Variants in PPP2R3A observed in about 807,000 individuals in gnomAD.
The protein encoded by PPP2R3A is protein phosphatase 2 regulatory subunit B''alpha.
In PPP2R3A, 80 loss-of-function variants were observed where a neutral mutation model predicts 106.9. The observed-to-expected ratio is 0.75, with a 90% confidence interval of 0.62 to 0.90. The LOEUF (loss-of-function observed/expected upper bound fraction) is 0.90, where lower values mean the gene tolerates loss of function less well. Among genes scored for constraint, PPP2R3A ranks in the 40% least tolerant of loss-of-function variants. The pLI, the probability that PPP2R3A is intolerant of heterozygous loss-of-function variation, is 0.00. For synonymous variants in PPP2R3A, 483 were observed against 468.3 expected, an observed-to-expected ratio of 1.03 and a Z score of -0.41; for missense variants, 1,386 against 1,350.4, an observed-to-expected ratio of 1.03 and a Z score of -0.41.
intron 12 of PPP2R3A, among the ~76,000 whole-genome samples, chr3:136,104,384 G>A (rs970554294): frequency 4.0e-5 from 6 of 151,746 alleles, no homozygotes; most frequent in Non-Finnish European, 5.9e-5. Context: ...TCGGCTCACC[G>A]CAACCTCCGC....
intron 4 of PPP2R3A, among the ~76,000 whole-genome samples, chr3:136,045,967 T>C (rs1198790823): frequency 2.0e-5 from 3 of 152,218 alleles, no homozygotes; most frequent in South Asian, 4.1e-4. Flanking sequence ...TAAGATTGCA[T>C]GAGCCTAGGA....
At chr3:136,087,245 G>GTCTCTCTCCC (rs1936965570) in intron 8 of PPP2R3A, among the ~76,000 whole-genome samples, 1 of 75,078 alleles carries the variant, frequency 1.3e-5, no homozygotes. Context: ...CTCTAGTCGT[G>GTCTCTCTCCC]TCTCTCTCTC....
chr3:136,139,366 A>G (rs1214475351), intron 13 of PPP2R3A, among the ~76,000 whole-genome samples: 1 of 151,992 alleles, frequency 6.6e-6, no homozygotes, highest in Non-Finnish European at 1.5e-5. Flanking sequence ...TACATGAACC[A>G]CCATATCCCC....
intron 3 of PPP2R3A, among the ~76,000 whole-genome samples, chr3:136,038,204 A>C (rs2107841192): frequency 6.6e-6 from 1 of 150,888 alleles, no homozygotes; most frequent in East Asian, 2.0e-4. Context: ...TCCCTTTGTC[A>C]TTTTTCCAAG....
chr3:136,085,494 G>A (rs1280159833), intron 8 of PPP2R3A, among the ~76,000 whole-genome samples: 2 of 152,070 alleles, frequency 1.3e-5, no homozygotes, highest in Non-Finnish European at 1.5e-5. Context: ...TGCCCAGGCT[G>A]GTCTCGAACT....
chr3:136,087,243 G>GTCTCTCTCTCTCTC (rs1491461536), intron 8 of PPP2R3A, among the ~76,000 whole-genome samples: 1 of 75,060 alleles, frequency 1.3e-5, no homozygotes, highest in Non-Finnish European at 2.9e-5. Context: ...GTCTCTAGTC[G>GTCTCTCTCTCTCTC]TGTCTCTCTC....
intron 5 of PPP2R3A, chr3:136,055,644 A>G (rs142642296): frequency 2.0e-4 from 265 of 1,293,236 alleles, no homozygotes; most frequent in Non-Finnish European, 1.8e-4. Context: ...TGGACAAAGT[A>G]CTTGATACAG....
chr3:136,140,005 C>CA (rs370749523), intron 13 of PPP2R3A, among the ~76,000 whole-genome samples: 24,654 of 83,896 alleles, frequency 0.29, 2,868 homozygotes, highest in Non-Finnish European at 0.36. Context: ...GACTCTGTCT[C>CA]AAAAAAAAAA....
At chr3:136,088,019 G>C (rs575363561) in intron 9 of PPP2R3A, 88 bp downstream of exon 9, 33 of 1,177,856 alleles carry the variant, frequency 2.8e-5, no homozygotes, top group Admixed American at 1.7e-4. Context: ...TGAATAATTT[G>C]GCAGTGCTAT....
intron 2 of PPP2R3A, among the ~76,000 whole-genome samples, chr3:136,011,887 T>C (rs1385589690): frequency 1.3e-5 from 2 of 152,122 alleles, no homozygotes; most frequent in South Asian, 2.1e-4. Flanking sequence ...ATAATGCTCA[T>C]TGTCACCAGC....
Position 136,049,338 on chromosome 3 carries a change from G to A in PPP2R3A, c.2446G>A (p.Glu816Lys), listed in dbSNP as rs1278541407. ...GCCCAACTGCAGCTCTCTAGAACAGGAGGATTTCATCCCTCTACTTCAGGT... is the reference window on the plus strand; with the variant it reads ...GCCCAACTGCAGCTCTCTAGAACAGAAGGATTTCATCCCTCTACTTCAGGT... The part of the protein sequence containing the change: ...AKPNCSSLEQ[E>K]DFIPLLQDVV... The change falls in exon 5 of 14, where the codon GAG becomes AAG. Residue 816 changes from glutamate (E) to lysine (K), a missense_variant. By Grantham distance (56) the Glu-to-Lys change is moderately conservative. Coordinates refer to ENST00000264977, the MANE Select transcript of PPP2R3A (RefSeq NM_002718.5). The A allele has an allele frequency of 1.2e-6, 2 of 1,612,682 alleles. No homozygotes were observed. The highest frequency in any genetic ancestry group is 1.7e-6 in the Non-Finnish European group (2 of 1,179,188).
chr3:136,021,801 A>G (rs1340111350), intron 2 of PPP2R3A, among the ~76,000 whole-genome samples: 1 of 152,168 alleles, frequency 6.6e-6, no homozygotes, highest in Non-Finnish European at 1.5e-5. Context: ...TTGAATATGT[A>G]CAGACTTTTT....
intron 1 of PPP2R3A, among the ~76,000 whole-genome samples, chr3:135,991,133 G>T (rs574032536): frequency 6.6e-6 from 1 of 152,156 alleles, no homozygotes; most frequent in African/African-American, 2.4e-5. Flanking sequence ...CGTCTTTTGC[G>T]TAAAGGTTAT....
At chr3:136,023,750 G>A (rs1185842954) in intron 2 of PPP2R3A, among the ~76,000 whole-genome samples, 3 of 152,010 alleles carry the variant, frequency 2.0e-5, no homozygotes, top group Non-Finnish European at 2.9e-5. Flanking sequence ...ACAAAGACTG[G>A]TGGTTACTTC....
In PPP2R3A at chr3:136,074,446, T is replaced by C. The variant is rs1008103098; in HGVS notation, c.2544+3894T>C. On this transcript the variant is annotated intron_variant, in intron 6 of 13. Transcript: ENST00000264977. ...GAAGTTGAGAAATAAGCCTTTGATATTGAATGAAAATGAAGATTAGAAATA... is the reference window on the plus strand; with the variant it reads ...GAAGTTGAGAAATAAGCCTTTGATACTGAATGAAAATGAAGATTAGAAATA... Among the ~76,000 whole-genome samples, 23 of 152,196 alleles carry C rather than the reference T, an allele frequency of 1.5e-4. 1 individual carries two copies. The highest frequency in any genetic ancestry group is 1.3e-4 in the Admixed American group (2 of 15,284).
Position 136,027,226 on chromosome 3 carries a change from ATTG to A in PPP2R3A, c.2262+137_2262+139del, listed in dbSNP as rs570204272. ...TGCTCTGTTTTTAAGCATGCATGGA[ATTG>A]TTGTTGTTTTTCCCATAGTGATCTT... On this transcript the variant is annotated intron_variant, in intron 3 of 13. Transcript: ENST00000264977. 4,491 of 857,414 alleles carry A rather than the reference ATTG, an allele frequency of 5.2e-3. 32 individuals are homozygous for A. Among genetic ancestry groups the A allele is most frequent in the Admixed American group, 0.019 (631 of 32,590 alleles). The allele number at this position is 857,414 out of a possible 1,614,324, so 53.1% of individuals were successfully genotyped here.
intron 13 of PPP2R3A, 35 bp from the exon 14 acceptor site, chr3:136,145,008 C>G: frequency 6.3e-7 from 1 of 1,595,480 alleles, no homozygotes; most frequent in Non-Finnish European, 8.5e-7. Context: ...TTTAATCAAT[C>G]AATCAGTTAA....
chr3:136,054,368 C>T (rs1180802413), intron 5 of PPP2R3A, among the ~76,000 whole-genome samples: 1 of 151,068 alleles, frequency 6.6e-6, no homozygotes, highest in African/African-American at 2.4e-5. Flanking sequence ...AAGCAATTCT[C>T]CTTCCTCAGC....
intron 1 of PPP2R3A, among the ~76,000 whole-genome samples, chr3:135,995,565 G>A (rs765614157): frequency 2.1e-5 from 3 of 145,374 alleles, no homozygotes; most frequent in Admixed American, 7.2e-5. Flanking sequence ...TCTGCCTCCC[G>A]GGTTCCTTTA....
Sources: gnomAD v4.1 joint callset for allele counts (sites outside exome capture counted in the v4.1 genomes callset) on GRCh38, gnomAD v4.1.1 for gene constraint, MANE v1.5 for transcripts, NCBI Gene and HGNC (gene_info 2026-07-23, HGNC 2026-07-21) for gene names.